Variants in ARSJ observed in about 807,000 individuals in gnomAD.
The protein encoded by ARSJ is arylsulfatase family member J.
Under a neutral mutation model 35.9 loss-of-function variants are expected in ARSJ, and 26 were observed. That is an observed-to-expected ratio of 0.72 (90% confidence interval 0.53 to 1.00). The LOEUF is 1.00. ARSJ is among the 50% of genes least tolerant of loss of function. ARSJ has a pLI of 0.00. For missense variants in ARSJ, 667 were observed against 723.6 expected, an observed-to-expected ratio of 0.92 and a Z score of 0.90; for synonymous variants, 294 against 267.6, an observed-to-expected ratio of 1.10 and a Z score of -0.96.
chr4:113,943,139 C>G (rs936475768), intron 1 of ARSJ: 2 of 151,980 alleles, frequency 1.3e-5, no homozygotes, highest in Admixed American at 1.3e-4. Context: ...GAGGAGCCAG[C>G]TTGTGCCATA....
Position 113,901,955 on chromosome 4 carries a change from CTA to C in ARSJ, c.*317_*318del. ...CGGATGGTAGGTTATTGTTCTCCTC[CTA>C]TAATTCAAAGCAGTGTTTGGTCAGT... is the stretch of plus-strand genomic sequence containing the variant. On this transcript the variant is annotated 3_prime_UTR_variant, in exon 2 of 2. Transcript: ENST00000315366. The C allele has an allele frequency of 2.2e-6, 1 of 463,194 alleles. No homozygotes were observed. The highest frequency in any genetic ancestry group is 2.0e-5 in the African/African-American group (1 of 50,384). The allele number at this position is 463,194 out of a possible 1,614,324, so 28.7% of individuals were successfully genotyped here. A position where few individuals can be genotyped will look rare whatever the true frequency, so the allele number is the denominator to read the frequency against.
chr4:113,908,226 A>G (rs2149250075), intron 1 of ARSJ, among the ~76,000 whole-genome samples: 1 of 152,352 alleles, frequency 6.6e-6, no homozygotes, highest in Middle Eastern at 3.4e-3. Context: ...TCTCAGGATT[A>G]AAATGGAATA....
intron 1 of ARSJ, among the ~76,000 whole-genome samples, chr4:113,904,651 A>C: frequency 6.6e-6 from 1 of 152,020 alleles, no homozygotes; most frequent in Non-Finnish European, 1.5e-5. Context: ...CGCCCAGATA[A>C]TTTTTTTGTA....
chr4:113,916,097 A>G (rs1165983354), intron 1 of ARSJ, among the ~76,000 whole-genome samples: 1 of 152,198 alleles, frequency 6.6e-6, no homozygotes. Flanking sequence ...CCTGGGTGGT[A>G]TGTGAGAAAA....
At chr4:113,966,007 C>A (rs1054504101) in intron 1 of ARSJ, among the ~76,000 whole-genome samples, 14 of 151,708 alleles carry the variant, frequency 9.2e-5, no homozygotes, top group African/African-American at 1.5e-4. Flanking sequence ...TCTGATAAAA[C>A]AATGTAAAGA....
chr4:113,950,527 C>A (rs183938770), intron 1 of ARSJ, among the ~76,000 whole-genome samples: 3 of 150,548 alleles, frequency 2.0e-5, no homozygotes, highest in Non-Finnish European at 3.0e-5. Flanking sequence ...AGTTGTGAGA[C>A]AAATCTTGAA....
At chr4:113,906,594 G>A (rs1202432122) in intron 1 of ARSJ, 2 of 323,458 alleles carry the variant, frequency 6.2e-6, no homozygotes, top group African/African-American at 2.2e-5. Flanking sequence ...CAGCCTCTAT[G>A]GTGGAATAGG....
At chr4:113,964,818 T>C (rs2149282800) in intron 1 of ARSJ, among the ~76,000 whole-genome samples, 1 of 152,218 alleles carries the variant, frequency 6.6e-6, no homozygotes. Flanking sequence ...CTTTCTGAAA[T>C]ATTAGGGTAG....
chr4:113,976,908 A>G (rs1727625039), intron 1 of ARSJ, among the ~76,000 whole-genome samples: 1 of 152,198 alleles, frequency 6.6e-6, no homozygotes, highest in Non-Finnish European at 1.5e-5. Flanking sequence ...AAACCTACAT[A>G]TTGTTTCAGT....
intron 1 of ARSJ, among the ~76,000 whole-genome samples, chr4:113,933,706 G>T (rs1724599514): frequency 6.6e-6 from 1 of 151,554 alleles, no homozygotes; most frequent in South Asian, 2.1e-4. Context: ...CACCAAACTG[G>T]GTGTGAAGGA....
intron 1 of ARSJ, among the ~76,000 whole-genome samples, chr4:113,925,087 A>C (rs977980694): frequency 1.3e-4 from 19 of 151,932 alleles, no homozygotes; most frequent in East Asian, 1.2e-3. Flanking sequence ...ATCCATGCAT[A>C]CCTCCGTTAT....
At chr4:113,918,635 C>T (rs1723469600) in intron 1 of ARSJ, among the ~76,000 whole-genome samples, 1 of 151,918 alleles carries the variant, frequency 6.6e-6, no homozygotes, top group South Asian at 2.1e-4. Context: ...CCAATTTATG[C>T]CAAACATTCT....
chr4:113,947,240 G>T (rs1255515142), intron 1 of ARSJ, among the ~76,000 whole-genome samples: 2 of 152,032 alleles, frequency 1.3e-5, no homozygotes, highest in African/African-American at 4.8e-5. Context: ...CAGCACATTG[G>T]GAAGCCAAGG....
At chr4:113,955,926 A>G (rs1283588290) in intron 1 of ARSJ, among the ~76,000 whole-genome samples, 6 of 152,122 alleles carry the variant, frequency 3.9e-5, no homozygotes, top group Non-Finnish European at 7.4e-5. Context: ...ACAGCAGCTA[A>G]TATTTTATGA....
At chr4:113,910,228 T>C (rs1365752463) in intron 1 of ARSJ, among the ~76,000 whole-genome samples, 1 of 152,160 alleles carries the variant, frequency 6.6e-6, no homozygotes, top group Non-Finnish European at 1.5e-5. Flanking sequence ...CATTAGAATA[T>C]GTGAAGGTAT....
Position 113,978,674 on chromosome 4 carries a change from T to C in ARSJ, c.161A>G (p.Glu54Gly), listed in dbSNP as rs768515318. 1 of 1,614,192 alleles carries C rather than the reference T, an allele frequency of 6.2e-7. No individual in the cohort carries two copies. The highest frequency in any genetic ancestry group is 8.5e-7 in the Non-Finnish European group (1 of 1,180,034). The change falls in exon 1 of 2, where the codon GAA (glutamate) becomes GGA (glycine). Residue 54 changes from glutamate (E) to glycine (G), a missense_variant. Coordinates refer to ENST00000315366, the MANE Select transcript of ARSJ (RefSeq NM_024590.4). ...AGCTTGAGCTAGTAAGGCCCCTTCT[T>C]CCTCCTCTTCTAAGGCCTGGCCCCA... ...LSWGQALEEEEEGALLAQAGE... is the reference protein window; with the variant it reads ...LSWGQALEEEGEGALLAQAGE...
In ARSJ at chr4:113,978,889, GC is replaced by G. The variant is rs1455950108; in HGVS notation, c.-56del. ...GGAGAACCACGCGCCCCGCGCCGCT[GC>G]GGGCGCACACATGCACCCAACAGAC... On this transcript the variant is annotated 5_prime_UTR_variant, in exon 1 of 2. An upstream open reading frame in the 5' UTR loses its in-frame stop. Coordinates refer to ENST00000315366, the MANE Select transcript of ARSJ (RefSeq NM_024590.4). 1.3e-6 allele frequency: 2 copies of G among 1,515,214 alleles called. No individual in the cohort carries two copies. Among genetic ancestry groups the G allele is most frequent in the Admixed American group, 4.3e-5 (2 of 46,744 alleles). 93.9% of individuals were successfully genotyped at this position (1,515,214 alleles called of 1,614,324 possible).
intron 1 of ARSJ, among the ~76,000 whole-genome samples, chr4:113,972,298 A>C (rs1727305444): frequency 7.1e-6 from 1 of 141,832 alleles, no homozygotes; most frequent in African/African-American, 2.5e-5. Context: ...ATCTGGAAAA[A>C]AAAAAAAACA....
At position 113,903,625 on chromosome 4, in the gene ARSJ, G is replaced by T; in HGVS notation, c.449C>A (p.Pro150His). Residue 150 changes from proline to histidine, a missense_variant, in exon 2 of 2, where the codon CCC (proline) becomes CAC (histidine). Pro to His is a moderately conservative substitution (Grantham distance 77). Coordinates refer to ENST00000315366, the MANE Select transcript of ARSJ (RefSeq NM_024590.4). The stretch of plus-strand genomic sequence containing the variant: ...GGCATTGTCCAGAGGTAAACAGTTG[G>T]GTTGGGTAGGTCTTATGATAGAATG... ...LQHSIIRPTQPNCLPLDNATL... is the reference protein window; with the variant it reads ...LQHSIIRPTQHNCLPLDNATL... 6.2e-7 allele frequency: 1 copy of T among 1,614,074 alleles called. No individual in the cohort carries two copies. Among genetic ancestry groups the T allele is most frequent in the Non-Finnish European group, 8.5e-7 (1 of 1,179,952 alleles).
Sources: gnomAD v4.1 joint callset for allele counts (sites outside exome capture counted in the v4.1 genomes callset) on GRCh38, gnomAD v4.1.1 for gene constraint, MANE v1.5 for transcripts, NCBI Gene and HGNC (gene_info 2026-07-23, HGNC 2026-07-21) for gene names.